Variants in CLNK observed in about 807,000 individuals in gnomAD.
The protein encoded by CLNK is cytokine-dependent hematopoietic cell linker.
CLNK carries 74 observed loss-of-function variants against 68.6 expected under a neutral mutation model. The observed-to-expected ratio is 1.08, with a 90% CI of 0.89 to 1.31. CLNK has a LOEUF of 1.31. CLNK is among the 50% of genes most tolerant of loss of function. The probability of loss-of-function intolerance (pLI) is 0.00; values close to 1 mark genes in which losing one functional copy is unlikely to be tolerated. For missense variants in CLNK, 553 were observed against 515.3 expected (o/e 1.07, Z -0.71); for synonymous variants, 198 against 172.2 (o/e 1.15, Z -1.17).
the CLNK span, among the ~76,000 whole-genome samples, chr4:10,734,747 T>C: frequency 6.6e-6 from 1 of 152,154 alleles, no homozygotes; most frequent in Non-Finnish European, 1.5e-5. Context: ...GTCTATTTGA[T>C]GAGTACAGTG....
intron 1 of CLNK, among the ~76,000 whole-genome samples, chr4:10,681,985 C>T (rs1039739705): frequency 6.6e-6 from 1 of 152,136 alleles, no homozygotes; most frequent in Non-Finnish European, 1.5e-5. Flanking sequence ...TAAGTCATTG[C>T]TCTTTGGAAG....
At chr4:10,512,196 C>T (rs1028715553) in intron 16 of CLNK, among the ~76,000 whole-genome samples, 9 of 151,212 alleles carry the variant, frequency 6.0e-5, no homozygotes, top group Admixed American at 2.0e-4. Flanking sequence ...AAAAGGAAGC[C>T]GAGTGCATGA....
At chr4:10,726,215 G>A in the CLNK span, among the ~76,000 whole-genome samples, 2 of 152,116 alleles carry the variant, frequency 1.3e-5, no homozygotes, top group Non-Finnish European at 2.9e-5. Flanking sequence ...TCTGCCTCTC[G>A]GGTTCAAGCG....
At chr4:10,530,532 T>C (rs578013635) in intron 12 of CLNK, among the ~76,000 whole-genome samples, 6 of 152,348 alleles carry the variant, frequency 3.9e-5, no homozygotes, top group African/African-American at 7.2e-5. Context: ...CTTCTTGTTC[T>C]TTAGATGATA....
chr4:10,724,482 G>GTTTTTT, the CLNK span, among the ~76,000 whole-genome samples: 4 of 146,408 alleles, frequency 2.7e-5, no homozygotes, highest in Non-Finnish European at 6.0e-5. Flanking sequence ...TTTTTAGTTA[G>GTTTTTT]TTTTTTTTTT....
chr4:10,547,513 C>T (rs1001789306), intron 8 of CLNK, among the ~76,000 whole-genome samples: 1 of 152,138 alleles, frequency 6.6e-6, no homozygotes, highest in African/African-American at 2.4e-5. Flanking sequence ...AGCATAATAT[C>T]TATCCTCTTA....
intron 8 of CLNK, among the ~76,000 whole-genome samples, chr4:10,547,582 G>A (rs1225442895): frequency 1.3e-5 from 2 of 152,094 alleles, no homozygotes; most frequent in Non-Finnish European, 2.9e-5. Flanking sequence ...GGTAGAGTGG[G>A]TCTCCAGAAT....
the CLNK span, among the ~76,000 whole-genome samples, chr4:10,725,805 A>G: frequency 0.21 from 31,173 of 151,202 alleles, 4,945 homozygotes; most frequent in African/African-American, 0.44. Context: ...CAGTGAGCCG[A>G]GATGCGCCAC....
At chr4:10,585,731 C>G (rs1349551393) in intron 3 of CLNK, among the ~76,000 whole-genome samples, 1 of 152,180 alleles carries the variant, frequency 6.6e-6, no homozygotes, top group Non-Finnish European at 1.5e-5. Context: ...GTGGGATGAT[C>G]ACTTGAGCCC....
At chr4:10,551,432 T>TATATA (rs1553849885) in intron 8 of CLNK, among the ~76,000 whole-genome samples, 8 of 57,276 alleles carry the variant, frequency 1.4e-4, no homozygotes, top group African/African-American at 3.0e-4. Context: ...TATATATATA[T>TATATA]TTTTTTTTAG....
At chr4:10,733,107 G>A in the CLNK span, among the ~76,000 whole-genome samples, 4 of 152,028 alleles carry the variant, frequency 2.6e-5, no homozygotes, top group Non-Finnish European at 5.9e-5. Flanking sequence ...GTCAATTATG[G>A]CATTGGCTTT....
rs1408561335 is a variant in CLNK, at chr4:10,654,393, A to ATATATATATATG, written c.11+13465_11+13466insCATATATATATA. ...AAATATATATTGATTAAATATATAT[A>ATATATATATATG]TATATATATAGAAAGTCTCTTGGCA... On this transcript the variant is annotated intron_variant, in intron 2 of 18. Transcript: ENST00000226951. Among the ~76,000 whole-genome samples, 5 of 133,856 alleles carry ATATATATATATG rather than the reference A, an allele frequency of 3.7e-5. 1 individual carries two copies. The highest frequency in any genetic ancestry group is 6.8e-5 in the Non-Finnish European group (4 of 59,134). The allele number at this position is 133,856 out of a possible 152,430, so 87.8% of individuals were successfully genotyped here.
Position 10,588,910 on chromosome 4 carries a change from G to T in CLNK, c.84-3955C>A, listed in dbSNP as rs141392863. ...AATAGTCAAACCTATAGAGTGGAAG[G>T]GTGGGTTGCCAAGGGCTGGGTGGAG... On this transcript the variant is annotated intron_variant, in intron 3 of 18. Coordinates refer to ENST00000226951, the MANE Select transcript of CLNK (RefSeq NM_052964.4). Among the ~76,000 whole-genome samples, 9 of 152,146 alleles carry T rather than the reference G, an allele frequency of 5.9e-5. No individual in the cohort carries two copies. In the South Asian group the frequency reaches 6.2e-4, roughly 11 times the overall value.
chr4:10,690,986 G>A, the CLNK span, among the ~76,000 whole-genome samples: 8 of 150,094 alleles, frequency 5.3e-5, no homozygotes, highest in South Asian at 1.0e-3. Context: ...TGAAGAGTGT[G>A]GGGTGGGAAC....
chr4:10,495,185 T>C (rs912172800), intron 18 of CLNK, among the ~76,000 whole-genome samples: 1 of 152,216 alleles, frequency 6.6e-6, no homozygotes, highest in African/African-American at 2.4e-5. Context: ...TTTTAGAAAC[T>C]TATAAACATT....
chr4:10,587,168 G>T (rs1274828802), intron 3 of CLNK, among the ~76,000 whole-genome samples: 1 of 152,126 alleles, frequency 6.6e-6, no homozygotes, highest in Non-Finnish European at 1.5e-5. Context: ...GTTTCACCAT[G>T]TTGGCCAGGC....
At chr4:10,522,522 C>T (rs1218223316) in intron 14 of CLNK, among the ~76,000 whole-genome samples, 7 of 139,242 alleles carry the variant, frequency 5.0e-5, no homozygotes, top group Admixed American at 3.2e-4. Flanking sequence ...TGCAGTGAGC[C>T]GAGATCGTAC....
intron 2 of CLNK, among the ~76,000 whole-genome samples, chr4:10,638,021 T>G (rs900649068): frequency 1.3e-5 from 2 of 152,106 alleles, no homozygotes; most frequent in African/African-American, 4.8e-5. Flanking sequence ...CTAGTTTAAT[T>G]GTCTCATTTT....
At chr4:10,692,772 G>T in the CLNK span, among the ~76,000 whole-genome samples, 1 of 152,178 alleles carries the variant, frequency 6.6e-6, no homozygotes, top group Non-Finnish European at 1.5e-5. Context: ...CGTGAGGCTT[G>T]GGATTTATCT....
Sources: gnomAD v4.1 joint callset for allele counts (sites outside exome capture counted in the v4.1 genomes callset) on GRCh38, gnomAD v4.1.1 for gene constraint, MANE v1.5 for transcripts, NCBI Gene and HGNC (gene_info 2026-07-23, HGNC 2026-07-21) for gene names.